STN1: variants seen among roughly 807,000 people sequenced by gnomAD.
STN1 encodes the protein STN1 subunit of CST complex, also known as CST complex subunit STN1.
In STN1, 29 loss-of-function variants were observed where a neutral mutation model predicts 45.5. The ratio of observed to expected loss-of-function variants is 0.64; its 90% CI spans 0.47 to 0.87. The LOEUF (loss-of-function observed/expected upper bound fraction) is 0.87. Among genes scored for constraint, STN1 ranks in the 40% least tolerant of loss-of-function variants. The probability of loss-of-function intolerance (pLI) is 0.00; values close to 1 mark genes in which losing one functional copy is unlikely to be tolerated. For missense variants in STN1, 376 were observed against 441.4 expected (o/e 0.85, Z 1.33); for synonymous variants, 148 against 159.0 (o/e 0.93, Z 0.52).
At chr10:103,908,711 T>C (rs919715324) in intron 3 of STN1, among the ~76,000 whole-genome samples, 1 of 152,208 alleles carries the variant, frequency 6.6e-6, no homozygotes, top group African/African-American at 2.4e-5. Context: ...AAATGCTTAC[T>C]GGAGAAGAGG....
At chr10:103,884,727 A>G (rs1388979122) in intron 9 of STN1, among the ~76,000 whole-genome samples, 1 of 152,180 alleles carries the variant, frequency 6.6e-6, no homozygotes, top group East Asian at 1.9e-4. Context: ...GGTTTGGTGC[A>G]CTTCTGTAGC....
In STN1 at chr10:103,892,166, A is replaced by C. The variant is rs143922724; in HGVS notation, c.840T>G (p.Val280=). Residue 280 remains valine, a synonymous_variant, in exon 8 of 10, where the codon GTT becomes GTG. Transcript: ENST00000224950. ...TATCAAAACCATCATCTTTCTGGAA[A>C]ACAAGTCCTTTTTCCTGCAGCAGTT... ...AIQLLQEKGL[V]FQKDDGFDNL... The C allele has an allele frequency of 5.6e-6, 9 of 1,612,496 alleles. No individual in the cohort carries two copies. Among genetic ancestry groups the C allele is most frequent in the African/African-American group, 1.3e-5 (1 of 74,962 alleles).
At chr10:103,885,079 T>A (rs1454514802) in intron 9 of STN1, among the ~76,000 whole-genome samples, 1 of 152,088 alleles carries the variant, frequency 6.6e-6, no homozygotes, top group Non-Finnish European at 1.5e-5. Flanking sequence ...TGGGACAAAG[T>A]CACTCCCGGG....
chr10:103,899,931 T>C (rs916706815), intron 5 of STN1, 131 bp downstream of exon 5: 3 of 674,082 alleles, frequency 4.5e-6, no homozygotes, highest in South Asian at 2.1e-5. Flanking sequence ...TGTTAAACAA[T>C]GTAATTCACT....
chr10:103,908,598 G>C (rs1156801992), intron 3 of STN1, among the ~76,000 whole-genome samples: 2 of 152,156 alleles, frequency 1.3e-5, no homozygotes, highest in African/African-American at 4.8e-5. Flanking sequence ...AAGAATTAAA[G>C]TTGCAAAAGC....
Position 103,905,096 on chromosome 10 carries a change from A to T in STN1, c.290T>A (p.Val97Glu), listed in dbSNP as rs1322983348. 2.5e-6 allele frequency: 4 copies of T among 1,613,484 alleles called. No homozygotes were observed. The South Asian group carries it at 4.4e-5, about 18-fold the overall frequency. ...ICWKKLNTES[V>E]SAAPSAAREL... ...AATGTGGCAAATAAAATTACCTGAT[A>T]CAGACTCAGTATTCAACTTTTTCCA... Residue 97 changes from valine to glutamate, a missense_variant, in exon 4 of 10, where the codon GTA becomes GAA. Coordinates refer to ENST00000224950, the MANE Select transcript of STN1 (RefSeq NM_024928.5).
At chr10:103,883,601 C>A (rs565387666) in intron 9 of STN1, among the ~76,000 whole-genome samples, 1 of 152,186 alleles carries the variant, frequency 6.6e-6, no homozygotes, top group East Asian at 1.9e-4. Context: ...TACATATTCA[C>A]CTCGGAAACT....
chr10:103,897,759 T>A (rs891181321), intron 6 of STN1, 40 bp from the exon 7 acceptor site: 1 of 1,596,848 alleles, frequency 6.3e-7, no homozygotes, highest in African/African-American at 1.4e-5. Flanking sequence ...CAGAAAACCA[T>A]CACCTTTGTT....
intron 1 of STN1, 60 bp from the exon 2 acceptor site, chr10:103,917,716 C>T: frequency 8.9e-7 from 1 of 1,122,666 alleles, no homozygotes; most frequent in Non-Finnish European, 1.3e-6. Flanking sequence ...GTGGCACGGC[C>T]CTGACGCTGC....
chr10:103,910,170 A>G (rs1454956054), intron 3 of STN1, among the ~76,000 whole-genome samples: 4 of 152,200 alleles, frequency 2.6e-5, no homozygotes. Context: ...TTCGCTTTTT[A>G]AAGTGATCCA....
In STN1 at chr10:103,882,777, G is replaced by C. The variant is rs745902754; in HGVS notation, c.1014C>G (p.Gly338=). Residue 338 remains glycine, a synonymous_variant, in exon 10 of 10, where the codon GGC becomes GGG. Transcript: ENST00000224950. ...LACARLSIRP[G]LSEAVLQQVL... ...CTTGCTGCAGCACAGCCTCGCTCAG[G>C]CCCGGGCGGATGCTCAGGCGAGCAC... 1.9e-6 allele frequency: 3 copies of C among 1,614,178 alleles called. No homozygotes were observed. Among genetic ancestry groups the C allele is most frequent in the Non-Finnish European group, 2.5e-6 (3 of 1,180,044 alleles).
chr10:103,896,490 A>T (rs942716091), intron 7 of STN1, among the ~76,000 whole-genome samples: 7 of 152,210 alleles, frequency 4.6e-5, no homozygotes, highest in African/African-American at 1.7e-4. Flanking sequence ...CAACAAACCT[A>T]AGAACTGCAA....
At position 103,882,224 on chromosome 10, in the gene STN1, A is replaced by G. The variant is rs1843073597; in HGVS notation, c.*460T>C. On this transcript the variant is annotated 3_prime_UTR_variant, in exon 10 of 10. Coordinates refer to ENST00000224950, the MANE Select transcript of STN1 (RefSeq NM_024928.5). ...TCCCCTAAACCGGTTCTTAGCCAGC[A>G]AGAGAGGCCCACAGGAAGGTCTCTG... Among the ~76,000 whole-genome samples the G allele has an allele frequency of 6.6e-6, 1 of 152,218 alleles. No individual in the cohort carries two copies. Among genetic ancestry groups the G allele is most frequent in the Non-Finnish European group, 1.5e-5 (1 of 68,042 alleles).
chr10:103,908,153 T>C (rs994330891), intron 3 of STN1, among the ~76,000 whole-genome samples: 2 of 151,624 alleles, frequency 1.3e-5, no homozygotes, highest in East Asian at 1.9e-4. Context: ...AATTAGCACA[T>C]GAACATTTGT....
At chr10:103,891,429 G>A (rs577839894) in intron 8 of STN1, among the ~76,000 whole-genome samples, 109 of 152,272 alleles carry the variant, frequency 7.2e-4, no homozygotes, top group African/African-American at 2.5e-3. Flanking sequence ...GGAGATACCC[G>A]GCAATGTCCA....
At chr10:103,892,622 C>T (rs1241784363) in intron 7 of STN1, among the ~76,000 whole-genome samples, 3 of 152,080 alleles carry the variant, frequency 2.0e-5, no homozygotes, top group Non-Finnish European at 4.4e-5. Flanking sequence ...AAAATTGAGG[C>T]TGTATACAAT....
At chr10:103,897,770 C>T in intron 6 of STN1, 51 bp from the exon 7 acceptor site, 1 of 1,586,184 alleles carries the variant, frequency 6.3e-7, no homozygotes, top group Non-Finnish European at 8.6e-7. Context: ...CACCTTTGTT[C>T]CTTTTTGGTG....
intron 6 of STN1, 113 bp downstream of exon 6, chr10:103,898,764 G>T (rs1843187883): frequency 7.9e-7 from 1 of 1,262,598 alleles, no homozygotes; most frequent in Admixed American, 1.8e-5. Context: ...GAGCCCCACA[G>T]TGCATAGGTG....
At chr10:103,909,436 A>ATATATG (rs1564635041) in intron 3 of STN1, among the ~76,000 whole-genome samples, 12 of 49,842 alleles carry the variant, frequency 2.4e-4, no homozygotes, top group African/African-American at 8.7e-4. Flanking sequence ...ATATATATGT[A>ATATATG]TATATATGTA....
Sources: allele counts gnomAD v4.1 joint callset (sites outside exome capture counted in the v4.1 genomes callset), GRCh38; gene constraint gnomAD v4.1.1; transcripts MANE v1.5; gene names NCBI Gene and HGNC (gene_info 2026-07-23, HGNC 2026-07-21).